PTPRD: variants seen among roughly 807,000 people sequenced by gnomAD.
PTPRD encodes the protein receptor-type tyrosine-protein phosphatase delta.
PTPRD carries 34 observed loss-of-function variants against 214.5 expected under a neutral mutation model. The observed-to-expected ratio is 0.16, with a 90% CI of 0.12 to 0.21. The LOEUF is 0.21. Among genes scored for constraint, PTPRD ranks in the 10% least tolerant of loss-of-function variants. PTPRD has a pLI of 1.00. For missense variants in PTPRD, 2,545 were observed against 2,398.7 expected (o/e 1.06, Z -1.27); for synonymous variants, 1,128 against 845.7 (o/e 1.33, Z -5.79).
intron 8 of PTPRD, among the ~76,000 whole-genome samples, chr9:9,509,226 T>C (rs1162799562): frequency 6.6e-6 from 1 of 151,648 alleles, no homozygotes; most frequent in Non-Finnish European, 1.5e-5. Context: ...TTTAATTTAA[T>C]TATGGGAAAA....
intron 8 of PTPRD, among the ~76,000 whole-genome samples, chr9:9,503,732 A>G (rs894003965): frequency 6.6e-6 from 1 of 151,768 alleles, no homozygotes; most frequent in African/African-American, 2.4e-5. Context: ...ATATAAAGCC[A>G]GGAGGCTGAG....
At chr9:9,363,107 T>C (rs1452512766) in intron 9 of PTPRD, among the ~76,000 whole-genome samples, 3 of 106,856 alleles carry the variant, frequency 2.8e-5, no homozygotes, top group African/African-American at 1.1e-4. Context: ...AGTACTATTT[T>C]GTGCTTTTTT....
At chr9:10,492,048 G>C (rs1007806587) in intron 2 of PTPRD, among the ~76,000 whole-genome samples, 16 of 152,034 alleles carry the variant, frequency 1.1e-4, no homozygotes, top group African/African-American at 3.6e-4. Flanking sequence ...TGAACTCATT[G>C]TTTTTTATGG....
intron 11 of PTPRD, among the ~76,000 whole-genome samples, chr9:9,015,809 T>C (rs973180124): frequency 2.0e-5 from 3 of 152,144 alleles, no homozygotes; most frequent in Non-Finnish European, 2.9e-5. Context: ...TTGGATATAA[T>C]AATTACCATC....
intron 10 of PTPRD, among the ~76,000 whole-genome samples, chr9:9,075,873 G>A (rs111565340): frequency 0.011 from 1,659 of 152,136 alleles, 26 homozygotes; most frequent in African/African-American, 0.038. Context: ...ATAAACATAC[G>A]TGTGCATGTG....
intron 2 of PTPRD, among the ~76,000 whole-genome samples, chr9:10,548,312 A>T (rs2060579679): frequency 6.6e-6 from 1 of 152,134 alleles, no homozygotes; most frequent in Non-Finnish European, 1.5e-5. Context: ...AAGAATAAGG[A>T]GAACTTGGCT....
intron 11 of PTPRD, among the ~76,000 whole-genome samples, chr9:8,990,825 G>T (rs188256089): frequency 1.3e-5 from 2 of 152,124 alleles, no homozygotes; most frequent in Non-Finnish European, 2.9e-5. Context: ...AGCCTTTCTG[G>T]GTTTCCTAAG....
chr9:10,309,537 G>A (rs969998159), intron 3 of PTPRD, among the ~76,000 whole-genome samples: 2 of 122,294 alleles, frequency 1.6e-5, no homozygotes, highest in Non-Finnish European at 3.4e-5. Flanking sequence ...TTTTTTTTTT[G>A]TATTTTTAGT....
intron 3 of PTPRD, among the ~76,000 whole-genome samples, chr9:10,185,717 C>G (rs909311132): frequency 6.6e-6 from 1 of 152,080 alleles, no homozygotes; most frequent in African/African-American, 2.4e-5. Context: ...AATGTGTTAA[C>G]ATACATTCAC....
At chr9:9,588,721 A>G (rs1232527664) in intron 7 of PTPRD, among the ~76,000 whole-genome samples, 9 of 151,988 alleles carry the variant, frequency 5.9e-5, no homozygotes, top group Non-Finnish European at 1.0e-4. Flanking sequence ...TTAGAGAAAA[A>G]AGTGAAAAGA....
intron 8 of PTPRD, among the ~76,000 whole-genome samples, chr9:9,440,662 C>T (rs1588484066): frequency 6.6e-6 from 1 of 152,134 alleles, no homozygotes; most frequent in African/African-American, 2.4e-5. Flanking sequence ...ACAATATTAT[C>T]CCAAAATTCT....
chr9:8,943,375 T>C (rs986697681), intron 11 of PTPRD, among the ~76,000 whole-genome samples: 1 of 151,902 alleles, frequency 6.6e-6, no homozygotes, highest in African/African-American at 2.4e-5. Context: ...CTTCAAATTA[T>C]ACTACAGAGC....
chr9:9,021,582 TG>T (rs1273187937), intron 10 of PTPRD, among the ~76,000 whole-genome samples: 2 of 152,082 alleles, frequency 1.3e-5, no homozygotes, highest in Admixed American at 1.3e-4. Flanking sequence ...TGGTCTCAGG[TG>T]GTATTCCAAA....
intron 8 of PTPRD, among the ~76,000 whole-genome samples, chr9:9,414,119 C>G (rs1259940052): frequency 1.3e-5 from 2 of 152,224 alleles, no homozygotes; most frequent in Non-Finnish European, 1.5e-5. Flanking sequence ...TCTCAAAGGA[C>G]AATCCAAACT....
At chr9:9,641,269 C>G (rs1292545979) in intron 7 of PTPRD, among the ~76,000 whole-genome samples, 1 of 152,102 alleles carries the variant, frequency 6.6e-6, no homozygotes, top group Non-Finnish European at 1.5e-5. Flanking sequence ...GGTGAACATG[C>G]CTTTCATCAG....
intron 6 of PTPRD, among the ~76,000 whole-genome samples, chr9:9,758,237 G>A (rs1043616631): frequency 2.0e-5 from 3 of 147,400 alleles, no homozygotes; most frequent in Non-Finnish European, 3.0e-5. Flanking sequence ...TAAAAAAACA[G>A]ACATTATTCA....
At chr9:9,636,990 G>A (rs1232536796) in intron 7 of PTPRD, among the ~76,000 whole-genome samples, 1 of 152,032 alleles carries the variant, frequency 6.6e-6, no homozygotes, top group Non-Finnish European at 1.5e-5. Context: ...AGAAGCAGAA[G>A]TGAAAAAATA....
chr9:8,318,315 T>C (rs1823556797), intron 45 of PTPRD, among the ~76,000 whole-genome samples: 1 of 152,098 alleles, frequency 6.6e-6, no homozygotes, highest in Non-Finnish European at 1.5e-5. Flanking sequence ...TTTACAATTA[T>C]CTGCTTATTC....
intron 10 of PTPRD, among the ~76,000 whole-genome samples, chr9:9,181,350 T>G (rs1250492430): frequency 6.6e-6 from 1 of 151,962 alleles, no homozygotes; most frequent in African/African-American, 2.4e-5. Flanking sequence ...TATGTTTTTT[T>G]CTGACTGTGT....
Sources: gnomAD v4.1 joint callset for allele counts (sites outside exome capture counted in the v4.1 genomes callset) on GRCh38, gnomAD v4.1.1 for gene constraint, MANE v1.5 for transcripts, NCBI Gene and HGNC (gene_info 2026-07-23, HGNC 2026-07-21) for gene names.